Variants in CRACR2A observed in about 807,000 individuals in gnomAD.
CRACR2A encodes the protein calcium release activated channel regulator 2A, also known as EF-hand calcium-binding domain-containing protein 4B.
CRACR2A carries 79 observed loss-of-function variants against 90.5 expected under a neutral mutation model. The ratio of observed to expected loss-of-function variants is 0.87; its 90% confidence interval spans 0.73 to 1.05. The LOEUF is 1.05. Among genes scored for constraint, CRACR2A ranks in the 50% least tolerant of loss-of-function variants. The probability of loss-of-function intolerance (pLI) is 0.00; values close to 1 mark genes in which losing one functional copy is unlikely to be tolerated. For synonymous variants in CRACR2A, 338 were observed against 356.7 expected (o/e 0.95, Z 0.59); for missense variants, 823 against 897.2 (o/e 0.92, Z 1.06).
chr12:3,695,283 A>G (rs1459116870), intron 4 of CRACR2A, among the ~76,000 whole-genome samples: 5 of 152,202 alleles, frequency 3.3e-5, no homozygotes, highest in Non-Finnish European at 7.3e-5. Flanking sequence ...GTTCACAGAC[A>G]GGGGTTTGTC....
intron 17 of CRACR2A, among the ~76,000 whole-genome samples, chr12:3,624,858 A>C (rs966454288): frequency 5.3e-5 from 8 of 152,174 alleles, no homozygotes; most frequent in African/African-American, 1.9e-4. Context: ...AGTCCTATAT[A>C]TGTTAGGGTT....
At chr12:3,630,376 G>C (rs559710714) in intron 15 of CRACR2A, among the ~76,000 whole-genome samples, 1 of 152,276 alleles carries the variant, frequency 6.6e-6, no homozygotes, top group African/African-American at 2.4e-5. Flanking sequence ...AGGCAGGAGT[G>C]ATGGGGAGCA....
At chr12:3,634,561 C>T (rs1002579765) in intron 14 of CRACR2A, among the ~76,000 whole-genome samples, 16 of 152,208 alleles carry the variant, frequency 1.1e-4, no homozygotes, top group Admixed American at 2.0e-4. Context: ...TCCAGCACAG[C>T]GTCCTTCTGA....
At chr12:3,671,498 C>G (rs926103063) in intron 7 of CRACR2A, among the ~76,000 whole-genome samples, 1 of 152,154 alleles carries the variant, frequency 6.6e-6, no homozygotes, top group Non-Finnish European at 1.5e-5. Flanking sequence ...CCTCCCACTT[C>G]CCAAAGTTAC....
intron 1 of CRACR2A, among the ~76,000 whole-genome samples, chr12:3,750,937 C>T (rs1946693960): frequency 6.6e-6 from 1 of 152,228 alleles, no homozygotes; most frequent in Admixed American, 6.5e-5. Context: ...ACCCCCCACA[C>T]CTGGGGTTCC....
intron 1 of CRACR2A, among the ~76,000 whole-genome samples, chr12:3,736,263 G>C (rs1946447840): frequency 6.6e-6 from 1 of 151,660 alleles, no homozygotes; most frequent in South Asian, 2.1e-4. Flanking sequence ...ACAGATTCAA[G>C]AGACAGAGTG....
intron 10 of CRACR2A, among the ~76,000 whole-genome samples, chr12:3,653,277 G>A (rs1483106459): frequency 3.3e-5 from 5 of 152,156 alleles, no homozygotes; most frequent in African/African-American, 1.2e-4. Flanking sequence ...CACCGCGCCT[G>A]GCCCAGGATG....
intron 1 of CRACR2A, among the ~76,000 whole-genome samples, chr12:3,738,324 GAT>G (rs1248107348): frequency 6.6e-6 from 1 of 152,086 alleles, no homozygotes; most frequent in African/African-American, 2.4e-5. Context: ...GGCTTCTTTA[GAT>G]AATATATATC....
At chr12:3,657,627 G>A (rs2137486080) in intron 8 of CRACR2A, among the ~76,000 whole-genome samples, 1 of 152,324 alleles carries the variant, frequency 6.6e-6, no homozygotes, top group Admixed American at 6.5e-5. Context: ...GAATGGCAGA[G>A]GTACGATCTG....
At chr12:3,660,433 C>T (rs1945008800) in intron 7 of CRACR2A, among the ~76,000 whole-genome samples, 1 of 152,140 alleles carries the variant, frequency 6.6e-6, no homozygotes, top group Non-Finnish European at 1.5e-5. Flanking sequence ...TCTTTCCTCT[C>T]CCCCGTCAGA....
At chr12:3,638,563 T>C (rs1944502037) in intron 13 of CRACR2A, 109 bp from the exon 14 acceptor site, 3 of 1,278,974 alleles carry the variant, frequency 2.3e-6, no homozygotes, top group Non-Finnish European at 3.2e-6. Flanking sequence ...CATCACACCT[T>C]TGGACAAGAG....
chr12:3,637,158 C>A (rs935995599), intron 14 of CRACR2A, among the ~76,000 whole-genome samples: 5 of 152,198 alleles, frequency 3.3e-5, no homozygotes, highest in African/African-American at 1.2e-4. Flanking sequence ...CAGGGTCACA[C>A]TGAAGGGAGG....
chr12:3,727,959 G>A (rs1464983553), intron 2 of CRACR2A: 1 of 152,178 alleles, frequency 6.6e-6, no homozygotes, highest in Non-Finnish European at 1.5e-5. Flanking sequence ...AGGCCCAAGA[G>A]GGTAGGCCAA....
At chr12:3,721,834 A>T (rs1946182709) in intron 2 of CRACR2A, among the ~76,000 whole-genome samples, 1 of 152,092 alleles carries the variant, frequency 6.6e-6, no homozygotes, top group Admixed American at 6.5e-5. Flanking sequence ...CTCTGTGTTT[A>T]TGTTAACCCC....
chr12:3,679,194 G>A, intron 5 of CRACR2A, 96 bp from the exon 6 acceptor site: 1 of 1,259,466 alleles, frequency 7.9e-7, no homozygotes, highest in East Asian at 2.6e-5. Flanking sequence ...AGGTTCATCT[G>A]AGAGAAGGAA....
chr12:3,656,819 C>T (rs899540999), intron 8 of CRACR2A, among the ~76,000 whole-genome samples: 2 of 152,156 alleles, frequency 1.3e-5, no homozygotes, highest in East Asian at 1.9e-4. Context: ...GGACACCTTC[C>T]GACCTGGATA....
At chr12:3,676,567 G>C (rs2137593886) in intron 6 of CRACR2A, among the ~76,000 whole-genome samples, 1 of 152,304 alleles carries the variant, frequency 6.6e-6, no homozygotes, top group South Asian at 2.1e-4. Flanking sequence ...AAAGAGGCCA[G>C]AGGAAGCTCA....
chr12:3,677,931 A>G (rs1329908955), intron 6 of CRACR2A, among the ~76,000 whole-genome samples: 2 of 152,186 alleles, frequency 1.3e-5, no homozygotes, highest in Admixed American at 6.5e-5. Context: ...TGAAAAATTC[A>G]CAGAGCTTCG....
At chr12:3,740,494 C>T (rs1400243656) in intron 1 of CRACR2A, among the ~76,000 whole-genome samples, 2 of 152,150 alleles carry the variant, frequency 1.3e-5, no homozygotes, top group Admixed American at 1.3e-4. Flanking sequence ...CACTTAACCC[C>T]TCTTATTTTA....
Sources: allele counts gnomAD v4.1 joint callset (sites outside exome capture counted in the v4.1 genomes callset), GRCh38; gene constraint gnomAD v4.1.1; transcripts MANE v1.5; gene names NCBI Gene and HGNC (gene_info 2026-07-23, HGNC 2026-07-21).